GRIA3: variants seen among roughly 807,000 people sequenced by gnomAD.
GRIA3 encodes glutamate receptor 3.
In GRIA3, 3 loss-of-function variants were observed where a neutral mutation model predicts 63.0. The ratio of observed to expected loss-of-function variants is 0.05; its 90% CI spans 0.02 to 0.12. The LOEUF (loss-of-function observed/expected upper bound fraction) is 0.12. GRIA3 is among the 10% of genes least tolerant of loss of function. The pLI, the probability that GRIA3 is intolerant of heterozygous loss-of-function variation, is 1.00. For missense variants in GRIA3, 347 were observed against 700.9 expected, an observed-to-expected ratio of 0.50 and a Z score of 5.70; for synonymous variants, 274 against 257.9, an observed-to-expected ratio of 1.06 and a Z score of -0.60.
intron 3 of GRIA3, among the ~76,000 whole-genome samples, chrX:123,307,499 C>T (rs1341075824): frequency 8.9e-6 from 1 of 111,921 alleles, no homozygotes; most frequent in East Asian, 2.8e-4. Context: ...ACTTTGGGAG[C>T]ATTTAAAAAA....
intron 3 of GRIA3, among the ~76,000 whole-genome samples, chrX:123,305,946 C>G (rs184752684): frequency 9.0e-6 from 1 of 111,657 alleles, no homozygotes; most frequent in African/African-American, 3.3e-5. Flanking sequence ...GTTGGGTAGA[C>G]TAAATGGTCT....
intron 12 of GRIA3, among the ~76,000 whole-genome samples, chrX:123,429,630 G>A (rs1603149977): frequency 8.9e-6 from 1 of 111,843 alleles, no homozygotes. Context: ...CACATAACCA[G>A]CTCCATGGAA....
intron 2 of GRIA3, among the ~76,000 whole-genome samples, chrX:123,243,331 C>A (rs1214501543): frequency 8.9e-6 from 1 of 112,073 alleles, no homozygotes; most frequent in Non-Finnish European, 1.9e-5. Flanking sequence ...CATAAAAATA[C>A]AAATTCCTTA....
At chrX:123,204,288 C>A in intron 2 of GRIA3, 1 of 609,082 alleles carries the variant, frequency 1.6e-6, no homozygotes, top group Non-Finnish European at 2.7e-6. Context: ...ACCAGTGCAG[C>A]CTGTGGGCAT....
rs1392598511 is a variant in GRIA3 at position 123,490,803 on chromosome X, A to C, written c.*2093A>C. 2 of 112,392 alleles carry C rather than the reference A, an allele frequency of 1.8e-5. No homozygotes were observed. The highest frequency in any genetic ancestry group is 6.5e-5 in the African/African-American group (2 of 30,801). The allele number at this position is 112,392 out of a possible 1,213,427, so 9.3% of individuals were successfully genotyped here. ...GAACAGAAAAATTGCCAAGCAAACT[A>C]ATGGCTATAAAAGCGTAATTTGCAT... On this transcript the variant is annotated 3_prime_UTR_variant, in exon 16 of 16. Transcript: ENST00000620443.
chrX:123,374,158 A>G (rs1442667977), intron 5 of GRIA3, among the ~76,000 whole-genome samples: 2 of 111,576 alleles, frequency 1.8e-5, no homozygotes, highest in Non-Finnish European at 3.8e-5. Context: ...CAAAGATCAG[A>G]TGGTTGTAGA....
intron 3 of GRIA3, among the ~76,000 whole-genome samples, chrX:123,262,606 T>C (rs1408842911): frequency 8.9e-6 from 1 of 112,256 alleles, no homozygotes; most frequent in Non-Finnish European, 1.9e-5. Context: ...GTTCAATAAG[T>C]AGAGCCTTTG....
At chrX:123,418,501 T>A (rs2045547780) in intron 11 of GRIA3, among the ~76,000 whole-genome samples, 1 of 111,922 alleles carries the variant, frequency 8.9e-6, no homozygotes, top group South Asian at 3.7e-4. Flanking sequence ...TAGTAAATCA[T>A]GTGTCTGATA....
At chrX:123,245,980 G>A (rs1218090080) in intron 2 of GRIA3, among the ~76,000 whole-genome samples, 2 of 111,194 alleles carry the variant, frequency 1.8e-5, no homozygotes, top group Non-Finnish European at 1.9e-5. Context: ...TCAATTTAAG[G>A]ACGAGCTCCC....
At chrX:123,277,787 T>A (rs113734308) in intron 3 of GRIA3, among the ~76,000 whole-genome samples, 1 of 112,034 alleles carries the variant, frequency 8.9e-6, no homozygotes, top group Non-Finnish European at 1.9e-5. Context: ...TGTTTACCTA[T>A]CTGTGAAATG....
chrX:123,396,233 A>AATAATAATAATAATG (rs1354946998), intron 6 of GRIA3, among the ~76,000 whole-genome samples: 40 of 105,592 alleles, frequency 3.8e-4, no homozygotes, highest in South Asian at 1.2e-3. Context: ...TAATAATAAT[A>AATAATAATAATAATG]ATGATGATAA....
chrX:123,191,742 TA>T (rs1927440755), intron 2 of GRIA3, among the ~76,000 whole-genome samples: 1 of 110,924 alleles, frequency 9.0e-6, no homozygotes, highest in African/African-American at 3.3e-5. Context: ...TCCACCAGAA[TA>T]CCTTTACTCT....
intron 3 of GRIA3, among the ~76,000 whole-genome samples, chrX:123,259,093 T>G (rs2147286236): frequency 8.9e-6 from 1 of 111,857 alleles, no homozygotes; most frequent in South Asian, 3.7e-4. Context: ...ACCAATGAAA[T>G]ATGCATTCAT....
intron 3 of GRIA3, among the ~76,000 whole-genome samples, chrX:123,255,368 C>A (rs1274953409): frequency 2.7e-5 from 3 of 111,192 alleles, no homozygotes; most frequent in African/African-American, 9.8e-5. Flanking sequence ...CTTGAATATT[C>A]TAATTCATAA....
intron 2 of GRIA3, among the ~76,000 whole-genome samples, chrX:123,216,687 A>G (rs1928166743): frequency 8.9e-6 from 1 of 111,822 alleles, no homozygotes; most frequent in Non-Finnish European, 1.9e-5. Context: ...GAGGAGAAGG[A>G]ATGTCATAAT....
chrX:123,444,643 A>G (rs1342367813), intron 12 of GRIA3, among the ~76,000 whole-genome samples: 3 of 111,179 alleles, frequency 2.7e-5, no homozygotes, highest in African/African-American at 9.8e-5. Flanking sequence ...TGTGAGGAGA[A>G]TATGAGCTGC....
chrX:123,312,743 A>C (rs2044803672), intron 3 of GRIA3, among the ~76,000 whole-genome samples: 1 of 112,449 alleles, frequency 8.9e-6, no homozygotes, highest in Non-Finnish European at 1.9e-5. Context: ...ATCCATCATG[A>C]CATTCCTATT....
In GRIA3 at chrX:123,333,613, GA is replaced by G. The variant is rs748691576; in HGVS notation, c.696+7404del. Among the ~76,000 whole-genome samples the G allele has an allele frequency of 3.6e-5, 4 of 111,770 alleles. No homozygotes were observed. The East Asian group carries it at 1.1e-3, about 31-fold the overall frequency. On this transcript the variant is annotated intron_variant, in intron 4 of 15. Coordinates refer to ENST00000620443, the MANE Select transcript of GRIA3 (RefSeq NM_007325.5). ...AATGCTGATAGAATGAAAGATATTAGAAAAGCCTAGAACTTATTTTTGCATA... is the reference window on the plus strand; with the variant it reads ...AATGCTGATAGAATGAAAGATATTAGAAAGCCTAGAACTTATTTTTGCATA...
intron 12 of GRIA3, among the ~76,000 whole-genome samples, chrX:123,456,330 G>C (rs2045761181): frequency 9.0e-6 from 1 of 110,923 alleles, no homozygotes; most frequent in Admixed American, 9.6e-5. Flanking sequence ...GAAATATAAA[G>C]TTTAAAGATA....
Sources: gnomAD v4.1 joint callset for allele counts (sites outside exome capture counted in the v4.1 genomes callset) on GRCh38, gnomAD v4.1.1 for gene constraint, MANE v1.5 for transcripts, NCBI Gene and HGNC (gene_info 2026-07-23, HGNC 2026-07-21) for gene names.